Variants in TAPBPL observed in about 807,000 individuals in gnomAD.
The protein encoded by TAPBPL is tapasin-related protein.
Under a neutral mutation model 44.8 loss-of-function variants are expected in TAPBPL, and 32 were observed. The observed-to-expected ratio is 0.71, with a 90% CI of 0.54 to 0.96. The LOEUF is 0.96. Among genes scored for constraint, TAPBPL ranks in the 40% least tolerant of loss-of-function variants. TAPBPL has a pLI of 0.00. For synonymous variants in TAPBPL, 230 were observed against 240.7 expected (o/e 0.96, Z 0.41); for missense variants, 520 against 586.6 (o/e 0.89, Z 1.17).
chr12:6,458,579 G>T (rs760300218), intron 4 of TAPBPL, 66 bp from the exon 5 acceptor site: 47 of 1,557,104 alleles, frequency 3.0e-5, no homozygotes, highest in South Asian at 1.3e-4. Context: ...GGAAGAAAAG[G>T]CTTCAGGCTC....
chr12:6,462,431 G>A (rs369759775), downstream of TAPBPL: 32 of 491,136 alleles, frequency 6.5e-5, no homozygotes, highest in East Asian at 5.9e-4. Flanking sequence ...GCAAACCGAA[G>A]AACGGGATGT....
Position 6,461,549 on chromosome 12 carries a change from C to T in TAPBPL, c.1292-485C>T, listed in dbSNP as rs1386158871. ...TGCTGCGACCAAGCTTTTCCACTTT[C>T]CTGTCTTTCTCCACACTGGTCCCAA... On this transcript the variant is annotated intron_variant, in intron 6 of 6. Transcript: ENST00000266556. Among the ~76,000 whole-genome samples, 5 of 152,228 alleles carry T rather than the reference C, an allele frequency of 3.3e-5. 1 individual carries two copies. Among genetic ancestry groups the T allele is most frequent in the Admixed American group, 2.6e-4 (4 of 15,284 alleles).
chr12:6,451,974 C>G, upstream of TAPBPL: 2 of 524,100 alleles, frequency 3.8e-6, no homozygotes, highest in East Asian at 7.1e-5. Flanking sequence ...CTTGAAATCA[C>G]CAGGGGATTT....
intron 5 of TAPBPL, among the ~76,000 whole-genome samples, chr12:6,460,565 G>A (rs757723243): frequency 2.0e-5 from 3 of 152,180 alleles, no homozygotes; most frequent in Non-Finnish European, 4.4e-5. Flanking sequence ...CTGTGTCCAG[G>A]CAAGTTAAGT....
chr12:6,471,702 C>T, the TAPBPL span, among the ~76,000 whole-genome samples: 2 of 152,142 alleles, frequency 1.3e-5, no homozygotes, highest in Non-Finnish European at 2.9e-5. This position sits in a 1 kb window ranked among gnomAD's most constrained non-coding sequence, Gnocchi z 4.0. Context: ...TGGCGGGCGC[C>T]TGTAATCCCA....
chr12:6,470,399 A>G (rs2534720), downstream of TAPBPL: 1,402,348 of 1,402,352 alleles, frequency 1, 701,172 homozygotes, highest in Middle Eastern at 1. Context: ...CCGGTCCGGA[A>G]GCGGCGCGCG....
At chr12:6,470,637 C>A, downstream of TAPBPL, 1 of 1,484,736 alleles carries the variant, frequency 6.7e-7, no homozygotes, top group Non-Finnish European at 9.3e-7. Flanking sequence ...AGCTCCGCCT[C>A]GCGCCGACTA....
At chr12:6,467,745 G>A (rs1026848870), downstream of TAPBPL, among the ~76,000 whole-genome samples, 5 of 152,314 alleles carry the variant, frequency 3.3e-5, no homozygotes, top group African/African-American at 1.2e-4. Context: ...AAGTTATTTT[G>A]TGGGCCAGGC....
At chr12:6,467,239 G>A (rs1030768609), downstream of TAPBPL, 7 of 161,950 alleles carry the variant, frequency 4.3e-5, no homozygotes, top group Non-Finnish European at 6.6e-5. Flanking sequence ...ATGTGGAAGC[G>A]ACTTTGGAAC....
chr12:6,454,344 T>C (rs1249027277), intron 3 of TAPBPL, among the ~76,000 whole-genome samples: 2 of 152,200 alleles, frequency 1.3e-5, no homozygotes, highest in East Asian at 3.9e-4. Context: ...GGCAGGTGCC[T>C]GTAATCCCAG....
intron 1 of TAPBPL, among the ~76,000 whole-genome samples, chr12:6,452,787 T>C (rs1194357317): frequency 6.6e-6 from 1 of 152,216 alleles, no homozygotes; most frequent in Non-Finnish European, 1.5e-5. Flanking sequence ...ACTGAAAAGA[T>C]AGTCTTTTAT....
At chr12:6,468,619 G>C (rs1945689062), downstream of TAPBPL, among the ~76,000 whole-genome samples, 1 of 152,110 alleles carries the variant, frequency 6.6e-6, no homozygotes, top group Non-Finnish European at 1.5e-5. Context: ...TGACTCCCTT[G>C]GTTACTTACA....
chr12:6,457,071 G>A (rs777341082), intron 3 of TAPBPL, among the ~76,000 whole-genome samples: 19 of 152,196 alleles, frequency 1.2e-4, no homozygotes, highest in Non-Finnish European at 1.9e-4. Flanking sequence ...GAACAACCAG[G>A]GTTTCAGAGC....
chr12:6,467,025 AT>A, downstream of TAPBPL: 1 of 172,300 alleles, frequency 5.8e-6, no homozygotes, highest in Non-Finnish European at 1.2e-5. Flanking sequence ...CTTCTTCCAC[AT>A]TTTCTCTTGC....
downstream of TAPBPL, chr12:6,463,440 G>C (rs1179148160): frequency 9.6e-7 from 1 of 1,045,400 alleles, no homozygotes; most frequent in East Asian, 9.0e-5. The surrounding 1 kb of genome is among the most constrained non-coding windows in gnomAD (Gnocchi z 4.0). Context: ...TGGTGTGGAG[G>C]AAAGGATTCC....
intron 4 of TAPBPL, 73 bp from the exon 5 acceptor site, chr12:6,458,572 A>G: frequency 1.3e-6 from 2 of 1,541,766 alleles, no homozygotes; most frequent in Non-Finnish European, 1.8e-6. Flanking sequence ...CTTGGCAGGA[A>G]GAAAAGGCTT....
chr12:6,464,517 GAA>G (rs779195460), downstream of TAPBPL: 25 of 1,482,618 alleles, frequency 1.7e-5, no homozygotes, highest in South Asian at 3.2e-4. Flanking sequence ...GTCCCAGACG[GAA>G]AAGAGAAAGA....
At chr12:6,467,789 T>G (rs1365118023), downstream of TAPBPL, among the ~76,000 whole-genome samples, 2 of 152,234 alleles carry the variant, frequency 1.3e-5, no homozygotes, top group Non-Finnish European at 2.9e-5. Context: ...GCCTAGGGAC[T>G]TAGTGCCCTG....
chr12:6,465,221 TAG>T, downstream of TAPBPL: 1 of 482,906 alleles, frequency 2.1e-6, no homozygotes, highest in Non-Finnish European at 3.9e-6. Context: ...GGCATTCCAA[TAG>T]AGATACAGAC....
Sources: allele counts gnomAD v4.1 joint callset (sites outside exome capture counted in the v4.1 genomes callset), GRCh38; gene constraint gnomAD v4.1.1; non-coding constraint Gnocchi (gnomAD v3.1); transcripts MANE v1.5; gene names NCBI Gene and HGNC (gene_info 2026-07-23, HGNC 2026-07-21).